Variants in GRIN2A observed in about 807,000 individuals in gnomAD.
The protein encoded by GRIN2A is glutamate ionotropic receptor NMDA type subunit 2A.
Under a neutral mutation model 113.4 loss-of-function variants are expected in GRIN2A, and 22 were observed. The ratio of observed to expected loss-of-function variants is 0.19; its 90% CI spans 0.14 to 0.28. The LOEUF is 0.28. GRIN2A is among the 10% of genes least tolerant of loss of function. GRIN2A has a pLI of 1.00. For synonymous variants in GRIN2A, 827 were observed against 738.4 expected (o/e 1.12, Z -1.94); for missense variants, 1,502 against 1,887.0 (o/e 0.80, Z 3.78).
chr16:10,176,555 C>T (rs1372003855), intron 2 of GRIN2A, among the ~76,000 whole-genome samples: 4 of 151,976 alleles, frequency 2.6e-5, no homozygotes, highest in Admixed American at 6.6e-5. Context: ...TGTAGGCACA[C>T]GGATGAAGCT....
chr16:9,909,335 A>C (rs2008342), intron 3 of GRIN2A, among the ~76,000 whole-genome samples: 41,340 of 152,042 alleles, frequency 0.27, 5,883 homozygotes, highest in African/African-American at 0.34. Flanking sequence ...GGACAATGCC[A>C]AACCATATCA....
At position 9,849,749 on chromosome 16, in the gene GRIN2A, C is replaced by T; in HGVS notation, c.1328+7G>A. ...CACGTTCAGGTGACAGCATTCCTGC[C>T]ACTCACTTGATTTTGACGAACTTCC... On this transcript the variant is annotated splice_region_variant and intron_variant, in intron 5 of 12. Coordinates refer to ENST00000330684, the MANE Select transcript of GRIN2A (RefSeq NM_001134407.3). The T allele has an allele frequency of 1.2e-6, 2 of 1,610,022 alleles. No individual in the cohort carries two copies. The highest frequency in any genetic ancestry group is 8.5e-7 in the Non-Finnish European group (1 of 1,176,308).
chr16:10,044,464 G>A (rs1347825796), intron 2 of GRIN2A, among the ~76,000 whole-genome samples: 2 of 151,608 alleles, frequency 1.3e-5, no homozygotes, highest in East Asian at 3.9e-4. Context: ...TGTCTTTGCT[G>A]AGTCCTTATG....
intron 4 of GRIN2A, among the ~76,000 whole-genome samples, chr16:9,887,252 T>C (rs1208286419): frequency 6.6e-6 from 1 of 152,162 alleles, no homozygotes; most frequent in Non-Finnish European, 1.5e-5. Context: ...TCTTGTGTCA[T>C]AATTTGATGC....
intron 3 of GRIN2A, among the ~76,000 whole-genome samples, chr16:9,929,465 G>A (rs2044539897): frequency 6.6e-6 from 1 of 152,080 alleles, no homozygotes; most frequent in South Asian, 2.1e-4. Flanking sequence ...GTCAAGTCTT[G>A]TCAATTTTAT....
rs747984460 is a variant in GRIN2A at position 10,115,118 on chromosome 16, T to C, written c.414+64880A>G. ...AAAATGTGCTGCTTTCAATGCTCTG[T>C]TGCAATTGTATATAAAGTAAAAGTA... On this transcript the variant is annotated intron_variant, in intron 2 of 12. Coordinates refer to ENST00000330684, the MANE Select transcript of GRIN2A (RefSeq NM_001134407.3). Among the ~76,000 whole-genome samples, 4 of 152,368 alleles carry C rather than the reference T, an allele frequency of 2.6e-5. No individual in the cohort carries two copies. The East Asian group carries it at 7.7e-4, about 29-fold the overall frequency.
At chr16:10,173,047 C>A (rs186684866) in intron 2 of GRIN2A, among the ~76,000 whole-genome samples, 1 of 152,164 alleles carries the variant, frequency 6.6e-6, no homozygotes, top group Non-Finnish European at 1.5e-5. Flanking sequence ...AGGGCCCAAA[C>A]GATTGTCAGC....
intron 3 of GRIN2A, among the ~76,000 whole-genome samples, chr16:9,901,257 T>C (rs1205903181): frequency 3.9e-5 from 6 of 152,194 alleles, no homozygotes; most frequent in African/African-American, 1.2e-4. Flanking sequence ...GTTTTTCCTT[T>C]TGATGATGAG....
At chr16:9,869,908 G>C (rs2043227918) in intron 4 of GRIN2A, among the ~76,000 whole-genome samples, 1 of 152,196 alleles carries the variant, frequency 6.6e-6, no homozygotes, top group African/African-American at 2.4e-5. Context: ...GCATGTTCTT[G>C]TAAGCTGAAT....
At chr16:10,021,501 A>T (rs766936017) in intron 2 of GRIN2A, among the ~76,000 whole-genome samples, 1 of 152,138 alleles carries the variant, frequency 6.6e-6, no homozygotes, top group Non-Finnish European at 1.5e-5. Context: ...ACTGTGATAC[A>T]TTCCCCCAGT....
At chr16:9,847,756 AT>A (rs1454745816) in intron 5 of GRIN2A, among the ~76,000 whole-genome samples, 2 of 148,932 alleles carry the variant, frequency 1.3e-5, no homozygotes, top group African/African-American at 4.9e-5. Context: ...TGTTTTATAC[AT>A]TTTTAACATA....
At chr16:10,144,483 TC>T (rs1848152285) in intron 2 of GRIN2A, among the ~76,000 whole-genome samples, 1 of 152,212 alleles carries the variant, frequency 6.6e-6, no homozygotes, top group African/African-American at 2.4e-5. Context: ...ATATTTCAAG[TC>T]CTTTGTCCAT....
chr16:10,143,562 T>A (rs1233168028), intron 2 of GRIN2A, among the ~76,000 whole-genome samples: 1 of 151,962 alleles, frequency 6.6e-6, no homozygotes, highest in Non-Finnish European at 1.5e-5. Context: ...AATACAGGAG[T>A]TCTTTTAATA....
At chr16:10,179,893 C>CCCAAAACAAAAAAAAACA in intron 2 of GRIN2A, 105 bp downstream of exon 2, 1 of 719,818 alleles carries the variant, frequency 1.4e-6, no homozygotes, top group African/African-American at 1.8e-5. Flanking sequence ...CCCCCACCCC[C>CCCAAAACAAAAAAAAACA]ACTTCACATC....
intron 2 of GRIN2A, among the ~76,000 whole-genome samples, chr16:10,040,247 C>T (rs1567254744): frequency 6.8e-6 from 1 of 146,728 alleles, no homozygotes; most frequent in African/African-American, 2.5e-5. Flanking sequence ...TCACACCACA[C>T]ACACATCCAC....
At chr16:10,064,712 T>C (rs890592782) in intron 2 of GRIN2A, among the ~76,000 whole-genome samples, 4 of 152,250 alleles carry the variant, frequency 2.6e-5, no homozygotes, top group African/African-American at 9.6e-5. Flanking sequence ...TGCAAATCTT[T>C]GCTTCACATG....
chr16:10,130,666 T>A (rs1028794201), intron 2 of GRIN2A, among the ~76,000 whole-genome samples: 1 of 152,182 alleles, frequency 6.6e-6, no homozygotes, highest in African/African-American at 2.4e-5. Flanking sequence ...ATGTTGAGGA[T>A]CTAATTCAAC....
chr16:9,759,137 C>T lies in GRIN2A; in HGVS notation c.*4012G>A, dbSNP rs1478426546. On this transcript the variant is annotated 3_prime_UTR_variant, in exon 13 of 13. Coordinates refer to ENST00000330684, the MANE Select transcript of GRIN2A (RefSeq NM_001134407.3). ...ATGTTAACGAATATATCCAGCTCCT[C>T]TGTAAGGTATTTAGAGTTCTCAAAT... 1 of 217,414 alleles carries T rather than the reference C, an allele frequency of 4.6e-6. No individual in the cohort carries two copies. The highest frequency in any genetic ancestry group is 2.2e-5 in the African/African-American group (1 of 44,480). 13.5% of individuals were successfully genotyped at this position (217,414 alleles called of 1,614,324 possible).
chr16:9,930,597 C>T (rs1033048072), intron 3 of GRIN2A, among the ~76,000 whole-genome samples: 6 of 152,136 alleles, frequency 3.9e-5, no homozygotes, highest in Admixed American at 2.0e-4. Flanking sequence ...GATTTCACTG[C>T]GAGAAGTGTT....
Sources: gnomAD v4.1 joint callset for allele counts (sites outside exome capture counted in the v4.1 genomes callset) on GRCh38, gnomAD v4.1.1 for gene constraint, MANE v1.5 for transcripts, NCBI Gene and HGNC (gene_info 2026-07-23, HGNC 2026-07-21) for gene names.